Variants in NUCB2 observed in about 807,000 individuals in gnomAD.
The protein encoded by NUCB2 is nucleobindin 2, also known as nucleobindin-2.
Under a neutral mutation model 57.9 loss-of-function variants are expected in NUCB2, and 48 were observed. That is an observed-to-expected ratio of 0.83 (90% CI 0.66 to 1.05). The LOEUF is 1.05. Among genes scored for constraint, NUCB2 ranks in the 50% least tolerant of loss-of-function variants. The pLI, the probability that NUCB2 is intolerant of heterozygous loss-of-function variation, is 0.00. For missense variants in NUCB2, 442 were observed against 476.2 expected, an observed-to-expected ratio of 0.93 and a Z score of 0.67; for synonymous variants, 139 against 152.1, an observed-to-expected ratio of 0.91 and a Z score of 0.64.
At chr11:17,302,989 C>T (rs894534777) in intron 5 of NUCB2, among the ~76,000 whole-genome samples, 3 of 152,064 alleles carry the variant, frequency 2.0e-5, no homozygotes, top group South Asian at 2.1e-4. Flanking sequence ...CCACCCGCCT[C>T]GGCCTCCCAA....
intron 2 of NUCB2, among the ~76,000 whole-genome samples, chr11:17,339,326 T>A (rs1952058084): frequency 6.6e-6 from 1 of 152,186 alleles, no homozygotes; most frequent in Admixed American, 6.5e-5. Context: ...ATTTTCCACA[T>A]GATTTCAAAG....
At chr11:17,287,050 C>T (rs555874341) in intron 2 of NUCB2, among the ~76,000 whole-genome samples, 1 of 151,758 alleles carries the variant, frequency 6.6e-6, no homozygotes, top group African/African-American at 2.4e-5. Context: ...AAACATTCTC[C>T]ATCAATCAAA....
rs770063181 is a variant in NUCB2 at position 17,324,803 on chromosome 11, TTTATTTATTTA to T, written c.1003-5321_1003-5311del. Among the ~76,000 whole-genome samples, 5 of 151,456 alleles carry T rather than the reference TTTATTTATTTA, an allele frequency of 3.3e-5. No homozygotes were observed. In the East Asian group the frequency reaches 7.7e-4, roughly 23 times the overall value. On this transcript the variant is annotated intron_variant, in intron 11 of 13. Transcript: ENST00000529010. ...GTCTATTTATTTATTTATTTATTTATTTATTTATTTATTTTTGAGACAGAGCCTCACTCTGT... is the reference window on the plus strand; with the variant it reads ...GTCTATTTATTTATTTATTTATTTATTTTTTGAGACAGAGCCTCACTCTGT...
intron 2 of NUCB2, among the ~76,000 whole-genome samples, chr11:17,287,286 C>T (rs926223222): frequency 2.0e-5 from 3 of 152,024 alleles, no homozygotes; most frequent in Non-Finnish European, 4.4e-5. Flanking sequence ...GAGCTGTGAG[C>T]TCACCACTGC....
chr11:17,288,546 C>CTTTTTTT (rs1409100990), intron 2 of NUCB2, among the ~76,000 whole-genome samples: 1 of 81,664 alleles, frequency 1.2e-5, no homozygotes, highest in East Asian at 7.0e-4. Flanking sequence ...TCTTCTTCTT[C>CTTTTTTT]TTCTTCTTTT....
At chr11:17,342,908 TGGGG>T (rs1952399502) in intron 2 of NUCB2, among the ~76,000 whole-genome samples, 1 of 152,198 alleles carries the variant, frequency 6.6e-6, no homozygotes, top group Non-Finnish European at 1.5e-5. Context: ...ATGTTGACAG[TGGGG>T]TGTTAAATTC....
intron 1 of NUCB2, among the ~76,000 whole-genome samples, chr11:17,279,633 A>G (rs1942115086): frequency 1.3e-5 from 2 of 152,224 alleles, no homozygotes; most frequent in African/African-American, 4.8e-5. Flanking sequence ...CAGGTAATTG[A>G]AACTGCAGAA....
intron 1 of NUCB2, among the ~76,000 whole-genome samples, chr11:17,281,692 T>C (rs1161441920): frequency 6.6e-6 from 1 of 152,142 alleles, no homozygotes; most frequent in East Asian, 1.9e-4. Context: ...TAATCTCCTG[T>C]TTGTGTGTTT....
intron 2 of NUCB2, among the ~76,000 whole-genome samples, chr11:17,287,754 C>T (rs1275525702): frequency 6.6e-6 from 1 of 151,686 alleles, no homozygotes; most frequent in Non-Finnish European, 1.5e-5. Context: ...AATCCCAGCA[C>T]TTTGGGAGGC....
At chr11:17,346,219 T>G (rs1952725638) in intron 2 of NUCB2, among the ~76,000 whole-genome samples, 1 of 152,220 alleles carries the variant, frequency 6.6e-6, no homozygotes, top group Admixed American at 6.5e-5. Flanking sequence ...ATCCACCTCC[T>G]GCTTCAAGTC....
At chr11:17,335,958 CAT>C (rs1236972460), downstream of NUCB2, among the ~76,000 whole-genome samples, 3 of 152,186 alleles carry the variant, frequency 2.0e-5, no homozygotes, top group East Asian at 3.8e-4. Context: ...TTTTGTTTCA[CAT>C]ATGAATTTTC....
At chr11:17,314,066 A>G (rs1037086299) in intron 10 of NUCB2, among the ~76,000 whole-genome samples, 14 of 151,646 alleles carry the variant, frequency 9.2e-5, no homozygotes, top group African/African-American at 3.2e-4. Context: ...AGCCTTTTTC[A>G]TTTCAACAAA....
At chr11:17,344,495 A>T (rs777865875) in intron 2 of NUCB2, among the ~76,000 whole-genome samples, 1 of 152,102 alleles carries the variant, frequency 6.6e-6, no homozygotes, top group Non-Finnish European at 1.5e-5. Context: ...CCACTATTGT[A>T]TTTCTAATGC....
At chr11:17,326,311 G>GTTTTT (rs60955119) in intron 11 of NUCB2, among the ~76,000 whole-genome samples, 23 of 71,282 alleles carry the variant, frequency 3.2e-4, no homozygotes, top group South Asian at 6.8e-4. Context: ...CATTGTTACC[G>GTTTTT]TTTTTTTTTT....
intron 2 of NUCB2, among the ~76,000 whole-genome samples, chr11:17,344,377 A>G (rs1055629334): frequency 1.3e-5 from 2 of 152,336 alleles, no homozygotes; most frequent in East Asian, 3.9e-4. Flanking sequence ...AAAGTAGCCT[A>G]GTTTATTACT....
rs910666265 is a variant in NUCB2 at position 17,288,268 on chromosome 11, C to T, written c.-1+5325C>T. ...AGATAGAATTGTAAGTGAAAAAGCA[C>T]GGTGGTGTAATTTAATTGGCAGCAT... On this transcript the variant is annotated intron_variant, in intron 2 of 13. Transcript: ENST00000529010. Among the ~76,000 whole-genome samples the T allele has an allele frequency of 3.3e-5, 5 of 152,054 alleles. No individual in the cohort carries two copies. The South Asian group carries it at 6.2e-4, about 19-fold the overall frequency.
At chr11:17,343,072 C>T (rs1952420240) in intron 2 of NUCB2, among the ~76,000 whole-genome samples, 1 of 151,676 alleles carries the variant, frequency 6.6e-6, no homozygotes, top group Admixed American at 6.6e-5. Flanking sequence ...ATGTAATGGC[C>T]TTCTTTGTCT....
rs1177753890 is a variant in NUCB2 at position 17,288,944 on chromosome 11, CACACACATAT to C, written c.-1+6003_-1+6012del. Among the ~76,000 whole-genome samples, 398 of 71,412 alleles carry C rather than the reference CACACACATAT, an allele frequency of 5.6e-3. 38 individuals are homozygous for C. Among genetic ancestry groups the C allele is most frequent in the African/African-American group, 8.5e-3 (86 of 10,082 alleles). 46.8% of individuals were successfully genotyped at this position (71,412 alleles called of 152,430 possible). On this transcript the variant is annotated intron_variant, in intron 2 of 13. Transcript: ENST00000529010. ...ACACACACACACACACACACACACA[CACACACATAT>C]ATATATATATTTTTTTTTTTTGAGA... is the stretch of plus-strand genomic sequence containing the variant.
In NUCB2 at chr11:17,328,382, C is replaced by A. The variant is rs531164863; in HGVS notation, c.1003-1745C>A. Among the ~76,000 whole-genome samples, 205 of 152,326 alleles carry A rather than the reference C, an allele frequency of 1.3e-3. 1 individual carries two copies. The highest frequency in any genetic ancestry group is 4.8e-3 in the African/African-American group (198 of 41,580). On this transcript the variant is annotated intron_variant, in intron 11 of 13. Coordinates refer to ENST00000529010, the MANE Select transcript of NUCB2 (RefSeq NM_005013.4). Reference sequence around the variant, plus strand: ...GGGCCTTGCCCAAGGCCCTTTCCTTCATGGTGGCGAGTTCCCCCAGATCCT... The same window carrying A: ...GGGCCTTGCCCAAGGCCCTTTCCTTAATGGTGGCGAGTTCCCCCAGATCCT...
Sources: gnomAD v4.1 joint callset for allele counts (sites outside exome capture counted in the v4.1 genomes callset) on GRCh38, gnomAD v4.1.1 for gene constraint, MANE v1.5 for transcripts, NCBI Gene and HGNC (gene_info 2026-07-23, HGNC 2026-07-21) for gene names.